CFI: variants seen among roughly 807,000 people sequenced by gnomAD.
CFI encodes the protein C3B/C4B inactivator.
Under a neutral mutation model 78.8 loss-of-function variants are expected in CFI, and 66 were observed. That is an observed-to-expected ratio of 0.84 (90% CI 0.69 to 1.03). CFI has a LOEUF of 1.03. Among genes scored for constraint, CFI ranks in the 50% least tolerant of loss-of-function variants. The probability of loss-of-function intolerance (pLI) is 0.00; values close to 1 mark genes in which losing one functional copy is unlikely to be tolerated. For synonymous variants in CFI, 250 were observed against 232.6 expected, an observed-to-expected ratio of 1.07 and a Z score of -0.68; for missense variants, 706 against 704.5, an observed-to-expected ratio of 1.00 and a Z score of -0.02.
chr4:109,764,394 T>C (rs1727461883), intron 3 of CFI, 143 bp downstream of exon 3: 1 of 916,714 alleles, frequency 1.1e-6, no homozygotes, highest in African/African-American at 1.6e-5. Flanking sequence ...ATGCATATCA[T>C]CCTCATAACA....
chr4:109,750,198 T>C (rs745336501), intron 8 of CFI, among the ~76,000 whole-genome samples: 22 of 152,004 alleles, frequency 1.4e-4, no homozygotes, highest in Admixed American at 6.6e-4. Flanking sequence ...GGTTTCACCA[T>C]GTTGGCCAGG....
At chr4:109,756,945 GA>G (rs1424963740) in intron 7 of CFI, among the ~76,000 whole-genome samples, 1 of 145,088 alleles carries the variant, frequency 6.9e-6, no homozygotes, top group Non-Finnish European at 1.5e-5. Context: ...AAGAAAGAAA[GA>G]AAGAAAGAAA....
chr4:109,777,490 T>C (rs1052676266), intron 1 of CFI, among the ~76,000 whole-genome samples: 8 of 152,068 alleles, frequency 5.3e-5, no homozygotes, highest in African/African-American at 1.9e-4. Context: ...AGCAAGTCCT[T>C]AGAGACCTAC....
intron 2 of CFI, 122 bp from the exon 3 acceptor site, chr4:109,764,812 T>A: frequency 1.1e-6 from 1 of 888,584 alleles, no homozygotes; most frequent in Non-Finnish European, 1.8e-6. Context: ...ATGACGATTT[T>A]AACAAGTAAT....
chr4:109,749,225 A>G lies in CFI; in HGVS notation c.1141T>C (p.Cys381Arg), dbSNP rs1299096335. Residue 381 changes from cysteine (C) to arginine (R), a missense_variant, in exon 10 of 13, where the codon TGT becomes CGT. Cys to Arg is a radical substitution (Grantham distance 180, BLOSUM62 -3). Coordinates refer to ENST00000394634, the MANE Select transcript of CFI (RefSeq NM_000204.5). Reference protein sequence around the residue: ...GGCWILTAAHCLRASKTHRYQ... With the variant: ...GGCWILTAAHRLRASKTHRYQ... ...ACTGAAGACATCTTTTACCTGAGAC[A>G]ATGTGCAGCAGTCAGAATCCAACAG... 2.5e-6 allele frequency: 4 copies of G among 1,613,736 alleles called. No homozygotes were observed. In the Admixed American group the frequency reaches 5.0e-5, roughly 20 times the overall value.
intron 10 of CFI, 140 bp downstream of exon 10, chr4:109,749,078 G>A (rs113023297): frequency 6.0e-4 from 509 of 850,648 alleles, no homozygotes; most frequent in Non-Finnish European, 8.8e-4. Context: ...TTCCAGTCGC[G>A]AATACCAGAG....
intron 1 of CFI, among the ~76,000 whole-genome samples, chr4:109,788,132 T>C (rs966151466): frequency 3.3e-5 from 5 of 152,084 alleles, no homozygotes; most frequent in African/African-American, 1.2e-4. Context: ...AAAGGGCAGT[T>C]AGATAGTTTC....
At chr4:109,760,239 GAA>G in intron 6 of CFI, 29 bp downstream of exon 6, 7 of 1,500,342 alleles carry the variant, frequency 4.7e-6, no homozygotes, top group Non-Finnish European at 6.5e-6. Context: ...ATTCAATAAT[GAA>G]AAAAAGTCAC....
At position 109,741,104 on chromosome 4, in the gene CFI, T is replaced by C. The variant is rs201334984; in HGVS notation, c.1541A>G (p.Tyr514Cys). 2 of 1,614,080 alleles carry C rather than the reference T, an allele frequency of 1.2e-6. No homozygotes were observed. The change falls in exon 13 of 13, where the codon TAT becomes TGT. Residue 514 changes from tyrosine (Y) to cysteine (C), a missense_variant. Tyr to Cys is a radical substitution (Grantham distance 194, BLOSUM62 -2). Coordinates refer to ENST00000394634, the MANE Select transcript of CFI (RefSeq NM_000204.5). ...TTTACAGGCATCGATGGAACCATCATATGTACCTAAGAAAGAAATGTGAAA... is the reference window on the plus strand; with the variant it reads ...TTTACAGGCATCGATGGAACCATCACATGTACCTAAGAAAGAAATGTGAAA... ...YEKEMECAGT[Y>C]DGSIDACKGD... is the part of the protein sequence containing the mutation.
intron 2 of CFI, among the ~76,000 whole-genome samples, chr4:109,765,665 A>C (rs1727642993): frequency 6.6e-6 from 1 of 152,156 alleles, no homozygotes; most frequent in Non-Finnish European, 1.5e-5. Flanking sequence ...CACATGAAGC[A>C]CCTGGAAGGG....
chr4:109,790,113 G>A (rs1469281832), intron 1 of CFI, among the ~76,000 whole-genome samples: 2 of 151,938 alleles, frequency 1.3e-5, no homozygotes, highest in African/African-American at 4.8e-5. Context: ...ATTGCTCATA[G>A]CATTCTCTTA....
chr4:109,746,487 A>C lies in CFI; in HGVS notation c.1164T>G (p.His388Gln). ...CTACTGTTGTCCATATTTGGTAACG[A>C]TGAGTTTTACTGGCTCTATAACAGA... ...AAHCLRASKT[H>Q]RYQIWTTVVD... The change falls in exon 11 of 13, where the codon CAT (histidine) becomes CAG (glutamine). Residue 388 changes from histidine (H) to glutamine (Q), a missense_variant. By Grantham distance (24) the His-to-Gln change is conservative. Transcript: ENST00000394634. 1.2e-6 allele frequency: 2 copies of C among 1,612,152 alleles called. No homozygotes were observed. The highest frequency in any genetic ancestry group is 3.3e-5 in the Admixed American group (2 of 59,824).
chr4:109,767,100 C>A (rs1373709352), intron 1 of CFI, among the ~76,000 whole-genome samples: 2 of 152,174 alleles, frequency 1.3e-5, no homozygotes, highest in African/African-American at 2.4e-5. Context: ...GAAACTGGAT[C>A]CCTTCCTTAC....
At chr4:109,790,615 T>G (rs781473414) in intron 1 of CFI, among the ~76,000 whole-genome samples, 1 of 152,074 alleles carries the variant, frequency 6.6e-6, no homozygotes, top group East Asian at 1.9e-4. Flanking sequence ...ATAGGCCCAG[T>G]GTGTCTGATA....
Position 109,797,549 on chromosome 4 carries a change from G to A in CFI, c.57+4366C>T, listed in dbSNP as rs190776614. ...TCTTGACTATGACGACAAAAGCACA[G>A]GCAACAAAAGCAAAAACAGACAAGT... On this transcript the variant is annotated intron_variant, in intron 1 of 12. Coordinates refer to ENST00000394634, the MANE Select transcript of CFI (RefSeq NM_000204.5). 2.4e-3 allele frequency among the ~76,000 whole-genome samples: 357 copies of A among 145,854 alleles called. 3 individuals are homozygous for A. The highest frequency in any genetic ancestry group is 4.1e-3 in the Non-Finnish European group (277 of 67,920).
intron 1 of CFI, among the ~76,000 whole-genome samples, chr4:109,787,909 T>C (rs1232531154): frequency 2.0e-5 from 3 of 152,084 alleles, no homozygotes; most frequent in African/African-American, 4.8e-5. Context: ...GAGAGAATTG[T>C]TCAAACAGGT....
At chr4:109,731,961 A>C in the CFI span, among the ~76,000 whole-genome samples, 2 of 152,250 alleles carry the variant, frequency 1.3e-5, no homozygotes, top group African/African-American at 4.8e-5. Context: ...TCAGCTCCAA[A>C]GTATGAAAGT....
the CFI span, among the ~76,000 whole-genome samples, chr4:109,735,652 C>T: frequency 6.6e-6 from 1 of 152,156 alleles, no homozygotes; most frequent in African/African-American, 2.4e-5. Context: ...AAATAAAAGC[C>T]ACATGGTGAA....
chr4:109,774,324 G>T (rs764472839), intron 1 of CFI, among the ~76,000 whole-genome samples: 1 of 152,112 alleles, frequency 6.6e-6, no homozygotes, highest in Non-Finnish European at 1.5e-5. Flanking sequence ...GAGAGTGAGG[G>T]GAGAATTGCT....
Sources: gnomAD v4.1 joint callset for allele counts (sites outside exome capture counted in the v4.1 genomes callset) on GRCh38, gnomAD v4.1.1 for gene constraint, MANE v1.5 for transcripts, NCBI Gene and HGNC (gene_info 2026-07-23, HGNC 2026-07-21) for gene names.